The following AP3B1 variants were observed in gnomAD, a reference collection of about 807,000 sequenced individuals.
The protein encoded by AP3B1 is adaptor related protein complex 3 subunit beta 1.
In AP3B1, 61 loss-of-function variants were observed where a neutral mutation model predicts 132.5. The observed-to-expected ratio is 0.46, with a 90% CI of 0.37 to 0.57. The LOEUF (loss-of-function observed/expected upper bound fraction) is 0.57. Among genes scored for constraint, AP3B1 ranks in the 20% least tolerant of loss-of-function variants. AP3B1 has a pLI of 0.00. For missense variants in AP3B1, 1,120 were observed against 1,289.4 expected (o/e 0.87, Z 2.01); for synonymous variants, 388 against 438.3 (o/e 0.89, Z 1.43).
chr5:78,166,164 C>T (rs1486763685), intron 11 of AP3B1, among the ~76,000 whole-genome samples: 1 of 78,978 alleles, frequency 1.3e-5, no homozygotes, highest in Non-Finnish European at 2.8e-5. Context: ...CACACACACA[C>T]ACACACACAA....
At chr5:78,237,316 A>T (rs1318108873) in intron 3 of AP3B1, among the ~76,000 whole-genome samples, 1 of 142,708 alleles carries the variant, frequency 7.0e-6, no homozygotes, top group Non-Finnish European at 1.5e-5. Context: ...GGCAACATGG[A>T]GACCTCGTCT....
chr5:78,228,991 A>C (rs1190763542), intron 3 of AP3B1, among the ~76,000 whole-genome samples: 1 of 152,158 alleles, frequency 6.6e-6, no homozygotes, highest in Non-Finnish European at 1.5e-5. Flanking sequence ...GCAGTGCAAT[A>C]GCACAATCAC....
chr5:78,156,005 A>G (rs1196715207), intron 14 of AP3B1, among the ~76,000 whole-genome samples: 1 of 152,222 alleles, frequency 6.6e-6, no homozygotes, highest in Non-Finnish European at 1.5e-5. Context: ...TACTCACCCA[A>G]CATCTAGCTG....
intron 14 of AP3B1, among the ~76,000 whole-genome samples, chr5:78,149,938 T>C (rs1753574620): frequency 6.7e-6 from 1 of 149,620 alleles, no homozygotes. Context: ...CTTTTTTTTT[T>C]TTTTAGCTTT....
At chr5:78,250,091 A>C (rs1747567709) in intron 2 of AP3B1, among the ~76,000 whole-genome samples, 1 of 152,194 alleles carries the variant, frequency 6.6e-6, no homozygotes, top group African/African-American at 2.4e-5. Flanking sequence ...CAACCTAAGA[A>C]ATAAGTGGAT....
chr5:78,029,954 A>G (rs572007978), intron 24 of AP3B1, among the ~76,000 whole-genome samples: 2 of 152,082 alleles, frequency 1.3e-5, no homozygotes, highest in African/African-American at 4.8e-5. Context: ...CTCAGACATA[A>G]CAAGAACCCT....
At chr5:78,171,579 T>C (rs72776458) in intron 11 of AP3B1, among the ~76,000 whole-genome samples, 4,898 of 152,290 alleles carry the variant, frequency 0.032, 114 homozygotes, top group Non-Finnish European at 0.048. Flanking sequence ...TTTTTGCACA[T>C]TGAGTTTTTA....
chr5:78,174,261 G>A (rs1744050308), intron 11 of AP3B1, among the ~76,000 whole-genome samples: 1 of 152,160 alleles, frequency 6.6e-6, no homozygotes, highest in African/African-American at 2.4e-5. Context: ...TAGGAGAAGA[G>A]GTCCTCTGGT....
intron 7 of AP3B1, among the ~76,000 whole-genome samples, chr5:78,195,581 A>G (rs1315716233): frequency 1.3e-5 from 2 of 152,180 alleles, no homozygotes; most frequent in Non-Finnish European, 2.9e-5. Context: ...GAACTTTGGG[A>G]AGCTGAGGAG....
At chr5:78,137,558 A>T (rs1251862474) in intron 15 of AP3B1, among the ~76,000 whole-genome samples, 1 of 152,192 alleles carries the variant, frequency 6.6e-6, no homozygotes, top group Non-Finnish European at 1.5e-5. Context: ...TCAGGATAAA[A>T]GCCATAAAAA....
chr5:78,080,499 G>A (rs1749949002), intron 22 of AP3B1, among the ~76,000 whole-genome samples: 2 of 145,442 alleles, frequency 1.4e-5, no homozygotes, highest in South Asian at 2.2e-4. Context: ...ACAATGTGTC[G>A]GTGAACATTC....
At chr5:78,160,544 T>C (rs982907112) in intron 13 of AP3B1, among the ~76,000 whole-genome samples, 6 of 152,196 alleles carry the variant, frequency 3.9e-5, no homozygotes, top group Admixed American at 1.3e-4. Context: ...AGAAATATAT[T>C]AAACATATTT....
At chr5:78,024,431 C>T (rs1251791833) in intron 24 of AP3B1, among the ~76,000 whole-genome samples, 1 of 152,036 alleles carries the variant, frequency 6.6e-6, no homozygotes, top group African/African-American at 2.4e-5. Flanking sequence ...GCTCTGTCAC[C>T]CAGGCTGGAG....
intron 1 of AP3B1, among the ~76,000 whole-genome samples, chr5:78,291,646 G>C (rs2112601778): frequency 6.6e-6 from 1 of 152,000 alleles, no homozygotes; most frequent in South Asian, 2.1e-4. Context: ...TAAAATAATA[G>C]GCTTTGCAAT....
intron 21 of AP3B1, among the ~76,000 whole-genome samples, chr5:78,098,834 G>A (rs1437208264): frequency 1.3e-5 from 2 of 152,168 alleles, no homozygotes; most frequent in Non-Finnish European, 2.9e-5. Context: ...CATCTTAGTT[G>A]GGAGAAAGAG....
intron 2 of AP3B1, among the ~76,000 whole-genome samples, chr5:78,242,704 GCCT>G (rs1274106083): frequency 6.6e-6 from 1 of 151,882 alleles, no homozygotes; most frequent in Non-Finnish European, 1.5e-5. Context: ...ACCATGTGCA[GCCT>G]CCTCTAGAAT....
At chr5:78,207,406 G>A (rs1474913699) in intron 7 of AP3B1, among the ~76,000 whole-genome samples, 2 of 152,024 alleles carry the variant, frequency 1.3e-5, no homozygotes, top group East Asian at 1.9e-4. Flanking sequence ...AAGCCTGGGT[G>A]ACAGAGTGAG....
chr5:78,271,417 A>G (rs1002049034), intron 1 of AP3B1, among the ~76,000 whole-genome samples: 2 of 152,150 alleles, frequency 1.3e-5, no homozygotes, highest in Non-Finnish European at 2.9e-5. Context: ...GTGAAACTCC[A>G]TCTCAAAAAA....
chr5:78,222,090 T>C (rs1409763577), intron 6 of AP3B1: 1 of 151,712 alleles, frequency 6.6e-6, no homozygotes, highest in Admixed American at 6.6e-5. Flanking sequence ...AAAGAGGAAG[T>C]AAAACATCTC....
Sources: allele counts gnomAD v4.1 joint callset (sites outside exome capture counted in the v4.1 genomes callset), GRCh38; gene constraint gnomAD v4.1.1; transcripts MANE v1.5; gene names NCBI Gene and HGNC (gene_info 2026-07-23, HGNC 2026-07-21).